The following VAT1L variants were observed in gnomAD, a reference collection of about 807,000 sequenced individuals.
VAT1L encodes putative NADPH-dependent quinone oxidoreductase VAT1L.
In VAT1L, 34 loss-of-function variants were observed where a neutral mutation model predicts 44.1. The observed-to-expected ratio is 0.77, with a 90% CI of 0.59 to 1.03. The LOEUF (loss-of-function observed/expected upper bound fraction) is 1.03, where lower values mean the gene tolerates loss of function less well. VAT1L is among the 50% of genes least tolerant of loss of function. VAT1L has a pLI of 0.00. For missense variants in VAT1L, 615 were observed against 538.8 expected (o/e 1.14, Z -1.40); for synonymous variants, 253 against 202.2 (o/e 1.25, Z -2.13).
rs977268876 is a variant in VAT1L at position 77,862,831 on chromosome 16, C to T, written c.663C>T (p.Ile221=). 5.6e-6 allele frequency: 9 copies of T among 1,614,050 alleles called. No individual in the cohort carries two copies. The highest frequency in any genetic ancestry group is 7.6e-6 in the Non-Finnish European group (9 of 1,180,000). Residue 221 remains isoleucine (I), a synonymous_variant, in exon 4 of 9, where the codon ATC becomes ATT. Coordinates refer to ENST00000302536, the MANE Select transcript of VAT1L (RefSeq NM_020927.3). Reference sequence around the variant, plus strand: ...CCTCTACTTTCAAGCATGAAGCAATCAAAGACTCTGTGACCCACCTCTTTG... The same window carrying T: ...CCTCTACTTTCAAGCATGAAGCAATTAAAGACTCTGTGACCCACCTCTTTG... The part of the protein sequence containing the change: ...GTASTFKHEA[I]KDSVTHLFDR...
intron 7 of VAT1L, among the ~76,000 whole-genome samples, chr16:77,954,799 G>C (rs1251095848): frequency 6.6e-6 from 1 of 152,100 alleles, no homozygotes; most frequent in Non-Finnish European, 1.5e-5. Flanking sequence ...GTTCTAAAAC[G>C]TCAGAGTTCC....
At chr16:77,939,253 G>A (rs1333467084) in intron 7 of VAT1L, among the ~76,000 whole-genome samples, 4 of 152,352 alleles carry the variant, frequency 2.6e-5, no homozygotes, top group Admixed American at 1.3e-4. Flanking sequence ...CAGAAAGACT[G>A]GAGATATATT....
intron 3 of VAT1L, among the ~76,000 whole-genome samples, chr16:77,856,226 G>C (rs2016857662): frequency 6.6e-6 from 1 of 152,112 alleles, no homozygotes; most frequent in Non-Finnish European, 1.5e-5. Flanking sequence ...TTTTCCTTGT[G>C]GTCAAGGTAG....
intron 1 of VAT1L, among the ~76,000 whole-genome samples, chr16:77,815,776 T>A (rs200887911): frequency 6.6e-6 from 1 of 151,110 alleles, no homozygotes; most frequent in Non-Finnish European, 1.5e-5. Flanking sequence ...GAGACCAGCC[T>A]GGCCAACATG....
At chr16:77,924,741 G>A (rs1390152576) in intron 7 of VAT1L, among the ~76,000 whole-genome samples, 5 of 152,132 alleles carry the variant, frequency 3.3e-5, no homozygotes, top group Admixed American at 3.3e-4. Context: ...TTACAGGCGT[G>A]AGCCACCACG....
intron 8 of VAT1L, among the ~76,000 whole-genome samples, chr16:77,977,245 A>G (rs1323549854): frequency 6.6e-6 from 1 of 152,172 alleles, no homozygotes; most frequent in Non-Finnish European, 1.5e-5. Context: ...TGTGTCCCCC[A>G]GGGTCTCTCA....
chr16:77,818,562 C>T (rs540511942), intron 2 of VAT1L, among the ~76,000 whole-genome samples: 2 of 152,230 alleles, frequency 1.3e-5, no homozygotes, highest in Admixed American at 6.5e-5. Context: ...CCGTTAACCC[C>T]AAGCATTGAA....
intron 3 of VAT1L, among the ~76,000 whole-genome samples, chr16:77,842,636 G>A (rs1240504623): frequency 6.6e-6 from 1 of 152,288 alleles, no homozygotes; most frequent in East Asian, 1.9e-4. Flanking sequence ...AAAGCCAGGG[G>A]TAGGTAGTGA....
chr16:77,944,275 ATG>A (rs974678788), intron 7 of VAT1L, among the ~76,000 whole-genome samples: 2 of 152,266 alleles, frequency 1.3e-5, no homozygotes, highest in East Asian at 1.9e-4. Flanking sequence ...CCTCTAAAAG[ATG>A]TGTTTACTCT....
chr16:77,911,402 G>A (rs1307518680), intron 7 of VAT1L, among the ~76,000 whole-genome samples: 2 of 152,156 alleles, frequency 1.3e-5, no homozygotes, highest in Admixed American at 1.3e-4. Flanking sequence ...GGGGTACTAA[G>A]GATTCAGTAC....
rs555554275 is a variant in VAT1L at position 77,974,632 on chromosome 16, G to A, written c.1161+2699G>A. Among the ~76,000 whole-genome samples, 13 of 152,080 alleles carry A rather than the reference G, an allele frequency of 8.5e-5. No individual in the cohort carries two copies. The East Asian group carries it at 1.2e-3, about 14-fold the overall frequency. ...GGCTTGAGGGCAATGGCACAATCTCGGCTCATTGCAACCTCTGCCTCCTGG... is the reference window on the plus strand; with the variant it reads ...GGCTTGAGGGCAATGGCACAATCTCAGCTCATTGCAACCTCTGCCTCCTGG... On this transcript the variant is annotated intron_variant, in intron 8 of 8. Coordinates refer to ENST00000302536, the MANE Select transcript of VAT1L (RefSeq NM_020927.3).
chr16:77,948,167 C>G (rs998132466), intron 7 of VAT1L, among the ~76,000 whole-genome samples: 2 of 152,198 alleles, frequency 1.3e-5, no homozygotes, highest in Non-Finnish European at 2.9e-5. Context: ...ATAGCTCCTC[C>G]CACACTCTGT....
chr16:77,793,728 G>A (rs1338166276), intron 1 of VAT1L, among the ~76,000 whole-genome samples: 1 of 152,198 alleles, frequency 6.6e-6, no homozygotes, highest in Non-Finnish European at 1.5e-5. Context: ...CCAAGTGGAT[G>A]AAAAATGGTT....
intron 4 of VAT1L, 35 bp from the exon 5 acceptor site, chr16:77,876,335 G>T: frequency 6.3e-7 from 1 of 1,579,512 alleles, no homozygotes; most frequent in Non-Finnish European, 8.7e-7. Context: ...CTCCTGACAG[G>T]TCACAGAATT....
At chr16:77,852,269 G>C (rs1427303782) in intron 3 of VAT1L, among the ~76,000 whole-genome samples, 2 of 152,162 alleles carry the variant, frequency 1.3e-5, no homozygotes, top group African/African-American at 4.8e-5. Flanking sequence ...CGGGCTCATG[G>C]AGCCACCTCC....
At chr16:77,909,800 G>T (rs865907759) in intron 7 of VAT1L, among the ~76,000 whole-genome samples, 2 of 152,166 alleles carry the variant, frequency 1.3e-5, no homozygotes, top group Admixed American at 6.5e-5. Context: ...TATCTGCTCA[G>T]TGGAGGACCT....
chr16:77,836,994 C>G (rs2016646632), intron 3 of VAT1L, among the ~76,000 whole-genome samples: 1 of 152,162 alleles, frequency 6.6e-6, no homozygotes, highest in Non-Finnish European at 1.5e-5. Context: ...AACTGAGACA[C>G]AGAGAGGTTA....
At chr16:77,792,723 T>A (rs1362285828) in intron 1 of VAT1L, among the ~76,000 whole-genome samples, 1 of 152,146 alleles carries the variant, frequency 6.6e-6, no homozygotes, top group Admixed American at 6.5e-5. Context: ...ATAGACAGGA[T>A]CTGGGTGAGG....
chr16:77,955,158 C>A (rs2018088660), intron 7 of VAT1L, among the ~76,000 whole-genome samples: 1 of 152,188 alleles, frequency 6.6e-6, no homozygotes, highest in African/African-American at 2.4e-5. Context: ...CAGGTGCATG[C>A]TCTTCAAGAG....
Sources: allele counts gnomAD v4.1 joint callset (sites outside exome capture counted in the v4.1 genomes callset), GRCh38; gene constraint gnomAD v4.1.1; transcripts MANE v1.5; gene names NCBI Gene and HGNC (gene_info 2026-07-23, HGNC 2026-07-21).